Variants in ANKIB1 observed in about 807,000 individuals in gnomAD.
ANKIB1 encodes ankyrin repeat and IBR domain containing 1.
In ANKIB1, 43 loss-of-function variants were observed where a neutral mutation model predicts 122.1. That is an observed-to-expected ratio of 0.35 (90% CI 0.28 to 0.45). The LOEUF is 0.45. Ranked by LOEUF, ANKIB1 falls within the 20% of genes least tolerant of loss-of-function variation. The pLI, the probability that ANKIB1 is intolerant of heterozygous loss-of-function variation, is 1.00. For missense variants in ANKIB1, 992 were observed against 1,329.5 expected (o/e 0.75, Z 3.95); for synonymous variants, 390 against 442.0 (o/e 0.88, Z 1.48).
At chr7:92,288,035 C>CA (rs35766675) in intron 1 of ANKIB1, among the ~76,000 whole-genome samples, 8,286 of 89,564 alleles carry the variant, frequency 0.093, 627 homozygotes, top group Non-Finnish European at 0.13. Flanking sequence ...GACTCCGTCT[C>CA]AAAAAAAAAA....
chr7:92,356,488 T>TA (rs1382376772), intron 9 of ANKIB1, among the ~76,000 whole-genome samples: 1 of 152,202 alleles, frequency 6.6e-6, no homozygotes, highest in Non-Finnish European at 1.5e-5. Context: ...CTTATTTAAA[T>TA]ATCATGTGTA....
rs113866114 is a variant in ANKIB1, at chr7:92,281,275, T to C, written c.-90-13614T>C. Among the ~76,000 whole-genome samples, 5 of 152,342 alleles carry C rather than the reference T, an allele frequency of 3.3e-5. 1 individual carries two copies. Among genetic ancestry groups the C allele is most frequent in the African/African-American group, 1.2e-4 (5 of 41,578 alleles). On this transcript the variant is annotated intron_variant, in intron 1 of 19. Coordinates refer to ENST00000265742, the MANE Select transcript of ANKIB1 (RefSeq NM_019004.2). ...TCACATAGGTACCTTCTAACTAGCATGTACCAATATTCCAGACTTTCTGAA... is the reference window on the plus strand; with the variant it reads ...TCACATAGGTACCTTCTAACTAGCACGTACCAATATTCCAGACTTTCTGAA...
chr7:92,287,237 CCATTAATGT>C (rs1481911490), intron 1 of ANKIB1, among the ~76,000 whole-genome samples: 1 of 152,162 alleles, frequency 6.6e-6, no homozygotes, highest in Non-Finnish European at 1.5e-5. Flanking sequence ...CACCAGTTTT[CCATTAATGT>C]CATTTTATCC....
intron 1 of ANKIB1, among the ~76,000 whole-genome samples, chr7:92,290,995 C>G (rs1351026808): frequency 1.3e-5 from 2 of 152,046 alleles, no homozygotes; most frequent in African/African-American, 4.8e-5. Flanking sequence ...TTTAAAATAA[C>G]TAGAAGAATA....
intron 8 of ANKIB1, 26 bp downstream of exon 8, chr7:92,351,120 C>T (rs1181149450): frequency 7.0e-7 from 1 of 1,435,342 alleles, no homozygotes; most frequent in South Asian, 1.6e-5. Context: ...AATTATCTGT[C>T]CAATTTCCAT....
At chr7:92,352,709 A>C (rs1232217383) in intron 9 of ANKIB1, 67 bp downstream of exon 9, 21 of 1,487,332 alleles carry the variant, frequency 1.4e-5, no homozygotes, top group East Asian at 6.9e-5. Flanking sequence ...AAGACTTTGC[A>C]CCTTGAGTCA....
intron 11 of ANKIB1, among the ~76,000 whole-genome samples, chr7:92,372,779 A>G (rs1804301256): frequency 6.6e-6 from 1 of 152,126 alleles, no homozygotes. Context: ...TACATTTATG[A>G]ACCTTTTTTG....
chr7:92,398,859 C>T lies in ANKIB1; in HGVS notation c.3180C>T (p.Asn1060=), dbSNP rs762895755. ...CATCTCAAGCTGGTGACAGTGGTAA[C>T]GAGGCAGCCAACAGAGGAGATGGTT... ...EAASQAGDSG[N]EAANRGDGSD... Residue 1060 remains asparagine, a synonymous_variant, in exon 20 of 20, where the codon AAC becomes AAT. Transcript: ENST00000265742. 25 of 1,604,884 alleles carry T rather than the reference C, an allele frequency of 1.6e-5. No homozygotes were observed. Among genetic ancestry groups the T allele is most frequent in the African/African-American group, 4.0e-5 (3 of 74,734 alleles).
At chr7:92,327,194 A>G (rs945313933) in intron 4 of ANKIB1, among the ~76,000 whole-genome samples, 1 of 152,220 alleles carries the variant, frequency 6.6e-6, no homozygotes, top group Non-Finnish European at 1.5e-5. Flanking sequence ...CCATTATACT[A>G]TGATATTTTA....
chr7:92,325,418 A>G (rs1803006685), intron 4 of ANKIB1, among the ~76,000 whole-genome samples: 1 of 152,230 alleles, frequency 6.6e-6, no homozygotes, highest in South Asian at 2.1e-4. Flanking sequence ...ACTGCTGAAT[A>G]AGGAGAGAGG....
intron 1 of ANKIB1, among the ~76,000 whole-genome samples, chr7:92,277,480 A>G (rs1041066087): frequency 2.6e-5 from 4 of 152,206 alleles, no homozygotes; most frequent in African/African-American, 7.2e-5. Context: ...AGTCCCCAGT[A>G]TGAACTCTTA....
intron 11 of ANKIB1, among the ~76,000 whole-genome samples, chr7:92,381,322 A>G (rs746643348): frequency 2.0e-5 from 3 of 152,210 alleles, no homozygotes; most frequent in Non-Finnish European, 4.4e-5. Context: ...ACTCTTCAGG[A>G]TATTATCCAG....
chr7:92,393,103 CTTTG>C (rs1340474480), intron 17 of ANKIB1, among the ~76,000 whole-genome samples: 1 of 151,994 alleles, frequency 6.6e-6, no homozygotes, highest in African/African-American at 2.4e-5. Flanking sequence ...ATGAGGAAAT[CTTTG>C]TTTGTAATGT....
chr7:92,330,773 T>C (rs1224441944), intron 5 of ANKIB1, among the ~76,000 whole-genome samples: 2 of 151,720 alleles, frequency 1.3e-5, no homozygotes, highest in Non-Finnish European at 2.9e-5. Context: ...ACCCGGGAGG[T>C]GGAGCTTGCA....
At chr7:92,351,440 A>G (rs936782538) in intron 8 of ANKIB1, among the ~76,000 whole-genome samples, 15 of 152,218 alleles carry the variant, frequency 9.9e-5, no homozygotes, top group African/African-American at 3.6e-4. Context: ...AAGTTTTCCA[A>G]AAGACATTAT....
At chr7:92,320,893 C>T (rs771640023) in intron 4 of ANKIB1, among the ~76,000 whole-genome samples, 4 of 152,056 alleles carry the variant, frequency 2.6e-5, no homozygotes, top group Non-Finnish European at 5.9e-5. Context: ...GTTGTAAGCC[C>T]TTATGTGATC....
At chr7:92,371,409 GT>G (rs920312714) in intron 10 of ANKIB1, 67 bp from the exon 11 acceptor site, 368 of 1,347,928 alleles carry the variant, frequency 2.7e-4, no homozygotes, top group East Asian at 2.7e-3. Flanking sequence ...AGTGTGGAGG[GT>G]TTTTTTTTCC....
At chr7:92,359,804 G>A (rs902039879) in intron 9 of ANKIB1, among the ~76,000 whole-genome samples, 9 of 152,082 alleles carry the variant, frequency 5.9e-5, no homozygotes, top group South Asian at 2.1e-4. Context: ...CTAGAGTGCC[G>A]TGGCTATTCA....
rs562505803 is a variant in ANKIB1, at chr7:92,343,250, C to T, written c.996+18C>T. On this transcript the variant is annotated intron_variant, in intron 6 of 19. Transcript: ENST00000265742. ...CCAGTTTGGTATGGTTTGGTATTCA[C>T]TGTACTTCTCATAGCTTTGTTTATA... The T allele has an allele frequency of 1.3e-5, 20 of 1,594,124 alleles. No individual in the cohort carries two copies. Among genetic ancestry groups the T allele is most frequent in the East Asian group, 2.2e-5 (1 of 44,694 alleles).
Sources: gnomAD v4.1 joint callset for allele counts (sites outside exome capture counted in the v4.1 genomes callset) on GRCh38, gnomAD v4.1.1 for gene constraint, MANE v1.5 for transcripts, NCBI Gene and HGNC (gene_info 2026-07-23, HGNC 2026-07-21) for gene names.